The following LARP4B variants were observed in gnomAD, a reference collection of about 807,000 sequenced individuals.
LARP4B encodes la-related protein 4B.
In LARP4B, 12 loss-of-function variants were observed where a neutral mutation model predicts 89.8. The ratio of observed to expected loss-of-function variants is 0.13; its 90% CI spans 0.09 to 0.22. The LOEUF is 0.22. Ranked by LOEUF, LARP4B falls within the 10% of genes least tolerant of loss-of-function variation. The probability of loss-of-function intolerance (pLI) is 1.00; values close to 1 mark genes in which losing one functional copy is unlikely to be tolerated. For synonymous variants in LARP4B, 367 were observed against 363.3 expected, an observed-to-expected ratio of 1.01 and a Z score of -0.12; for missense variants, 757 against 947.7, an observed-to-expected ratio of 0.80 and a Z score of 2.64.
chr10:808,875 A>G (rs1400856084), downstream of LARP4B: 4 of 152,188 alleles, frequency 2.6e-5, no homozygotes, highest in Non-Finnish European at 5.9e-5. Flanking sequence ...ATTTTACTAC[A>G]CAATAATTAA....
At chr10:908,473 TA>T (rs1489375501) in intron 1 of LARP4B, among the ~76,000 whole-genome samples, 11 of 152,158 alleles carry the variant, frequency 7.2e-5, no homozygotes, top group African/African-American at 2.7e-4. Context: ...GAAGCATGGG[TA>T]AACAACCTGT....
chr10:950,593 G>C, the LARP4B span, among the ~76,000 whole-genome samples: 1 of 152,080 alleles, frequency 6.6e-6, no homozygotes, highest in South Asian at 2.1e-4. Flanking sequence ...TGGGAAAAAT[G>C]ATATTTTTGC....
intron 11 of LARP4B, among the ~76,000 whole-genome samples, chr10:828,878 A>T (rs1832753976): frequency 6.6e-6 from 1 of 152,220 alleles, no homozygotes; most frequent in Non-Finnish European, 1.5e-5. Flanking sequence ...ACACAAAGAG[A>T]CAATGTCTAG....
At chr10:913,672 G>A (rs188558646) in intron 1 of LARP4B, among the ~76,000 whole-genome samples, 1 of 152,354 alleles carries the variant, frequency 6.6e-6, no homozygotes. Context: ...GCCGGGTGCA[G>A]TGGCTCACGC....
the LARP4B span, among the ~76,000 whole-genome samples, chr10:938,142 C>A: frequency 6.6e-6 from 1 of 152,090 alleles, no homozygotes; most frequent in Non-Finnish European, 1.5e-5. Context: ...CCTCAGCCTC[C>A]CAAAGTGCTG....
chr10:833,028 G>A (rs1267113130), intron 8 of LARP4B, among the ~76,000 whole-genome samples: 3 of 152,160 alleles, frequency 2.0e-5, no homozygotes, highest in Non-Finnish European at 4.4e-5. Context: ...GCTAGAAGTG[G>A]AGAATGGGAG....
chr10:837,752 T>C (rs570343095), intron 7 of LARP4B, among the ~76,000 whole-genome samples: 3 of 152,210 alleles, frequency 2.0e-5, no homozygotes, highest in East Asian at 3.9e-4. Context: ...CAGCACAAAA[T>C]AGATGACAGA....
chr10:968,187 C>A, the LARP4B span, among the ~76,000 whole-genome samples: 7 of 152,168 alleles, frequency 4.6e-5, no homozygotes, highest in African/African-American at 1.7e-4. Context: ...ACCTCATTAA[C>A]ATGAAACCTG....
intron 17 of LARP4B, among the ~76,000 whole-genome samples, chr10:813,773 C>G (rs1327464307): frequency 2.7e-5 from 4 of 150,916 alleles, no homozygotes; most frequent in African/African-American, 9.7e-5. Flanking sequence ...GACTAAATAA[C>G]AGAAAAGTAA....
chr10:932,439 T>C (rs1252868895), upstream of LARP4B, among the ~76,000 whole-genome samples: 3 of 10,916 alleles, frequency 2.7e-4, no homozygotes, highest in South Asian at 3.6e-3. Context: ...TGCCCAGAAC[T>C]CCCACCCCAC....
upstream of LARP4B, among the ~76,000 whole-genome samples, chr10:935,306 C>T (rs1232279523): frequency 1.3e-5 from 2 of 152,186 alleles, no homozygotes; most frequent in Non-Finnish European, 2.9e-5. Context: ...CTCTGGAAGT[C>T]GAGGGCGGCA....
intron 15 of LARP4B, 64 bp from the exon 16 acceptor site, chr10:815,134 C>G: frequency 1.3e-6 from 2 of 1,495,036 alleles, no homozygotes; most frequent in Non-Finnish European, 1.8e-6. Context: ...GGTACCAGTG[C>G]CCGTTCACCC....
chr10:922,697 AAATAAATAAATAAAT>A (rs1459187635), intron 1 of LARP4B, among the ~76,000 whole-genome samples: 10 of 151,826 alleles, frequency 6.6e-5, no homozygotes, highest in African/African-American at 1.9e-4. Context: ...ATAAATAAAT[AAATAAATAAATAAAT>A]AAATAACAAG....
At position 863,976 on chromosome 10, in the gene LARP4B, G is replaced by A. The variant is rs1057488701; in HGVS notation, c.290-93C>T. 21 of 1,546,698 alleles carry A rather than the reference G, an allele frequency of 1.4e-5. No homozygotes were observed. In the Middle Eastern group the frequency reaches 5.4e-4, roughly 40 times the overall value. ...CACTTGCAGTGACTCAACTTCTTTA[G>A]ACTGTAAAAGACCTCTGGGCTCTCA... On this transcript the variant is annotated intron_variant, in intron 4 of 17. Transcript: ENST00000316157.
At chr10:974,418 G>A in the LARP4B span, among the ~76,000 whole-genome samples, 7 of 152,188 alleles carry the variant, frequency 4.6e-5, no homozygotes, top group Admixed American at 6.5e-5. Flanking sequence ...TGGCAAATGC[G>A]TCTGAGTGTT....
the LARP4B span, among the ~76,000 whole-genome samples, chr10:958,248 C>T: frequency 3.3e-5 from 5 of 152,222 alleles, no homozygotes; most frequent in African/African-American, 9.6e-5. Flanking sequence ...CAGCTGCTCC[C>T]TGGCTTAGCT....
intron 5 of LARP4B, among the ~76,000 whole-genome samples, chr10:863,254 C>T (rs1442264478): frequency 4.7e-5 from 7 of 149,532 alleles, no homozygotes; most frequent in African/African-American, 1.5e-4. Context: ...GATGGAGTCT[C>T]GCTCTGTCGC....
rs528525040 is a variant in LARP4B, at chr10:850,614, C to T, written c.431-5559G>A. 5.3e-5 allele frequency among the ~76,000 whole-genome samples: 8 copies of T among 152,364 alleles called. 1 individual carries two copies. In the South Asian group the frequency reaches 1.7e-3, roughly 32 times the overall value. On this transcript the variant is annotated intron_variant, in intron 5 of 17. Coordinates refer to ENST00000316157, the MANE Select transcript of LARP4B (RefSeq NM_015155.3). Reference sequence around the variant, plus strand: ...ATTAATCTTGAACACTACCACTCAACTTGACCTCATTAACACTGACAAAAT... The same window carrying T: ...ATTAATCTTGAACACTACCACTCAATTTGACCTCATTAACACTGACAAAAT...
intron 8 of LARP4B, among the ~76,000 whole-genome samples, chr10:835,361 T>A (rs890666539): frequency 1.3e-5 from 2 of 152,060 alleles, no homozygotes; most frequent in African/African-American, 4.8e-5. Flanking sequence ...GCAACGTCCA[T>A]CTCCTCTGCA....
Sources: gnomAD v4.1 joint callset for allele counts (sites outside exome capture counted in the v4.1 genomes callset) on GRCh38, gnomAD v4.1.1 for gene constraint, MANE v1.5 for transcripts, NCBI Gene and HGNC (gene_info 2026-07-23, HGNC 2026-07-21) for gene names.